The following ARHGAP23 variants were observed in gnomAD, a reference collection of about 807,000 sequenced individuals.
ARHGAP23 encodes rho GTPase-activating protein 23.
ARHGAP23 carries 34 observed loss-of-function variants against 136.3 expected under a neutral mutation model. That is an observed-to-expected ratio of 0.25 (90% confidence interval 0.19 to 0.33). The LOEUF is 0.33. ARHGAP23 is among the 10% of genes least tolerant of loss of function. ARHGAP23 has a pLI of 1.00. For missense variants in ARHGAP23, 1,808 were observed against 2,139.0 expected (o/e 0.85, Z 3.05); for synonymous variants, 832 against 920.5 (o/e 0.90, Z 1.74).
intron 11 of ARHGAP23, among the ~76,000 whole-genome samples, chr17:38,475,583 C>T (rs1337954277): frequency 1.3e-5 from 2 of 152,188 alleles, no homozygotes; most frequent in Non-Finnish European, 2.9e-5. Context: ...CTGGTTTGTT[C>T]GGAGAGCTGA....
At position 38,466,730 on chromosome 17, in the gene ARHGAP23, T is replaced by C. The variant is rs1320718601; in HGVS notation, c.1047T>C (p.Ala349=). The C allele has an allele frequency of 6.5e-6, 10 of 1,544,510 alleles. No individual in the cohort carries two copies. The highest frequency in any genetic ancestry group is 8.7e-6 in the Non-Finnish European group (10 of 1,144,084). ...SQLGQEGWHR[A]RSDDYLSRAT... is the part of the protein sequence containing the mutation. ...TGGGCCAGGAGGGCTGGCACCGAGC[T>C]CGCTCAGATGACTACTTGAGCCGGG... Residue 349 remains alanine, a synonymous_variant, in exon 7 of 24, where the codon GCT becomes GCC. Transcript: ENST00000622683.
Position 38,467,174 on chromosome 17 carries a change from G to C in ARHGAP23, c.1491G>C (p.Thr497=), listed in dbSNP as rs1209392760. Residue 497 remains threonine, a synonymous_variant, in exon 7 of 24, where the codon ACG becomes ACC. Coordinates refer to ENST00000622683, the MANE Select transcript of ARHGAP23 (RefSeq NM_001199417.2). ...DEVVLRQKPP[T]GRKVQLTPAR... is the part of the protein sequence containing the mutation. ...TGGTCCTGAGGCAGAAGCCCCCGAC[G>C]GGCCGCAAGGTTCAGCTGACCCCCG... 2 of 1,549,894 alleles carry C rather than the reference G, an allele frequency of 1.3e-6. No homozygotes were observed. The highest frequency in any genetic ancestry group is 1.4e-5 in the African/African-American group (1 of 73,054).
chr17:38,421,878 T>C (rs1224185417), intron 1 of ARHGAP23, among the ~76,000 whole-genome samples: 1 of 152,172 alleles, frequency 6.6e-6, no homozygotes, highest in Non-Finnish European at 1.5e-5. Context: ...TCCTCTCTCT[T>C]CCCTTCCTCT....
chr17:38,474,610 C>G (rs952902851), intron 11 of ARHGAP23, among the ~76,000 whole-genome samples: 16 of 152,056 alleles, frequency 1.1e-4, no homozygotes, highest in Admixed American at 5.9e-4. Context: ...GTGGAGGTGT[C>G]CTGGGGACAG....
At position 38,419,875 on chromosome 17, in the gene ARHGAP23, C is replaced by T. The variant is rs12947750; in HGVS notation, n.120+476C>T. On this transcript the variant is annotated intron_variant and non_coding_transcript_variant, in intron 1 of 4. Coordinates refer to the ARHGAP23 transcript ENST00000633445. ...GGACCTCAAGATACGCCGGTCCCCT[C>T]CCCCTACACATCAAGGGGTTTCTTC... 5.2e-3 allele frequency among the ~76,000 whole-genome samples: 770 copies of T among 148,336 alleles called. 5 individuals are homozygous for T. Among genetic ancestry groups the T allele is most frequent in the Non-Finnish European group, 8.9e-3 (595 of 66,492 alleles).
At chr17:38,498,861 G>A (rs537348196) in intron 22 of ARHGAP23, 133 of 671,438 alleles carry the variant, frequency 2.0e-4, no homozygotes, top group East Asian at 3.1e-4. Context: ...TTGCACCCCC[G>A]CCTCTCCCTC....
chr17:38,487,129 C>T (rs1469033038), intron 17 of ARHGAP23, among the ~76,000 whole-genome samples: 1 of 152,204 alleles, frequency 6.6e-6, no homozygotes, highest in African/African-American at 2.4e-5. Flanking sequence ...CAGTCGCTCT[C>T]AGGAGCTGGT....
chr17:38,462,811 A>G, intron 3 of ARHGAP23, 35 bp from the exon 4 acceptor site: 4 of 1,442,716 alleles, frequency 2.8e-6, no homozygotes, highest in Non-Finnish European at 3.7e-6. Flanking sequence ...GACCTTCCCC[A>G]GCCACCCCCA....
At position 38,463,100 on chromosome 17, in the gene ARHGAP23, T is replaced by G; in HGVS notation, c.350-18T>G. On this transcript the variant is annotated intron_variant, in intron 4 of 23. Coordinates refer to ENST00000622683, the MANE Select transcript of ARHGAP23 (RefSeq NM_001199417.2). Reference sequence around the variant, plus strand: ...TTTGATGCCCTTTGGTCACCACTCATGCGCTCCTTGTCCCCAGGAGACCGG... The same window carrying G: ...TTTGATGCCCTTTGGTCACCACTCAGGCGCTCCTTGTCCCCAGGAGACCGG... 6.4e-7 allele frequency: 1 copy of G among 1,550,912 alleles called. No homozygotes were observed. The highest frequency in any genetic ancestry group is 8.7e-7 in the Non-Finnish European group (1 of 1,146,582).
Position 38,466,235 on chromosome 17 carries a change from G to T in ARHGAP23, c.552G>T (p.Glu184Asp). 1 of 1,546,332 alleles carries T rather than the reference G, an allele frequency of 6.5e-7. No homozygotes were observed. ...PYSGEARSIP[E>D]PPPICYPRKT... ...CTGGAGAGGCCCGCAGCATCCCAGAGCCACCCCCGATCTGCTACCCCCGCA... is the reference window on the plus strand; with the variant it reads ...CTGGAGAGGCCCGCAGCATCCCAGATCCACCCCCGATCTGCTACCCCCGCA... Residue 184 changes from glutamate to aspartate, a missense_variant, in exon 7 of 24, where the codon GAG becomes GAT. Glu to Asp is a conservative substitution (Grantham distance 45, BLOSUM62 2). This residue lies in a region of ARHGAP23 where 859 missense variants were observed against 936.4 expected (regional missense o/e 0.92). Coordinates refer to ENST00000622683, the MANE Select transcript of ARHGAP23 (RefSeq NM_001199417.2).
At chr17:38,438,624 G>A (rs921407886) in intron 1 of ARHGAP23, among the ~76,000 whole-genome samples, 3 of 151,536 alleles carry the variant, frequency 2.0e-5, no homozygotes, top group African/African-American at 2.4e-5. Context: ...GGCAGTGGAG[G>A]CAGCAGACCA....
intron 20 of ARHGAP23, among the ~76,000 whole-genome samples, chr17:38,495,990 C>T (rs567666402): frequency 3.3e-5 from 5 of 152,158 alleles, no homozygotes; most frequent in South Asian, 2.1e-4. Context: ...CTCTGCCTCC[C>T]GGGTTCAAGC....
At chr17:38,480,925 G>T (rs904398515) in intron 14 of ARHGAP23, among the ~76,000 whole-genome samples, 2 of 151,912 alleles carry the variant, frequency 1.3e-5, no homozygotes, top group African/African-American at 4.8e-5. Flanking sequence ...TTGAGGCCAG[G>T]AGTTTGAGAC....
intron 20 of ARHGAP23, among the ~76,000 whole-genome samples, chr17:38,494,021 G>C (rs2040335406): frequency 1.5e-5 from 2 of 137,186 alleles, no homozygotes; most frequent in African/African-American, 4.9e-5. Context: ...GTGGGAGGCT[G>C]TTCTGTGTGT....
intron 1 of ARHGAP23, 129 bp from the exon 2 acceptor site, chr17:38,457,973 T>C (rs995587302): frequency 2.7e-6 from 3 of 1,130,372 alleles, no homozygotes; most frequent in African/African-American, 3.1e-5. Flanking sequence ...GCAGGGAGGA[T>C]GCCTGGCAAC....
Position 38,463,134 on chromosome 17 carries a change from G to C in ARHGAP23, c.366G>C (p.Lys122Asn). 1 of 1,551,482 alleles carries C rather than the reference G, an allele frequency of 6.4e-7. No homozygotes were observed. The change falls in exon 5 of 24, where the codon AAG becomes AAC. Residue 122 changes from lysine to asparagine, a missense_variant. Lys to Asn is a moderately conservative substitution (Grantham distance 94). This residue lies in a region of ARHGAP23 where 859 missense variants were observed against 936.4 expected (regional missense o/e 0.92). Coordinates refer to ENST00000622683, the MANE Select transcript of ARHGAP23 (RefSeq NM_001199417.2). Reference sequence around the variant, plus strand: ...TGTCCCCAGGAGACCGGCTGGTAAAGGTGAATGGGGAAAGCGTCATTGGGA... The same window carrying C: ...TGTCCCCAGGAGACCGGCTGGTAAACGTGAATGGGGAAAGCGTCATTGGGA... ...AGLRTGDRLV[K>N]VNGESVIGKT...
intron 11 of ARHGAP23, among the ~76,000 whole-genome samples, chr17:38,474,763 G>GA (rs1488624293): frequency 6.6e-6 from 1 of 152,104 alleles, no homozygotes; most frequent in Admixed American, 6.5e-5. Flanking sequence ...GAAGTGGGGG[G>GA]GCCGGGGAGG....
intron 1 of ARHGAP23, among the ~76,000 whole-genome samples, chr17:38,444,820 ATT>A (rs60306950): frequency 0.013 from 1,813 of 143,180 alleles, 41 homozygotes; most frequent in African/African-American, 0.044. Flanking sequence ...ATCTTTCAAC[ATT>A]TTTTTTTTTT....
intron 20 of ARHGAP23, among the ~76,000 whole-genome samples, chr17:38,492,642 G>A (rs1285220428): frequency 6.6e-6 from 1 of 152,208 alleles, no homozygotes; most frequent in East Asian, 1.9e-4. Context: ...AGGAGGCGAG[G>A]TGGTGAGCAG....
Sources: allele counts gnomAD v4.1 joint callset (sites outside exome capture counted in the v4.1 genomes callset), GRCh38; gene constraint gnomAD v4.1.1; regional missense constraint gnomAD v4.1.1; transcripts MANE v1.5; gene names NCBI Gene and HGNC (gene_info 2026-07-23, HGNC 2026-07-21).